SNTG1: variants seen among roughly 807,000 people sequenced by gnomAD.
SNTG1 encodes gamma-1-syntrophin.
Under a neutral mutation model 74.7 loss-of-function variants are expected in SNTG1, and 39 were observed. The ratio of observed to expected loss-of-function variants is 0.52; its 90% CI spans 0.40 to 0.68. The LOEUF (loss-of-function observed/expected upper bound fraction) is 0.68. SNTG1 is among the 30% of genes least tolerant of loss of function. SNTG1 has a pLI of 0.00. For synonymous variants in SNTG1, 254 were observed against 217.1 expected (o/e 1.17, Z -1.49); for missense variants, 685 against 609.5 (o/e 1.12, Z -1.30).
chr8:50,111,435 C>A (rs1181640211), intron 1 of SNTG1, among the ~76,000 whole-genome samples: 1 of 152,096 alleles, frequency 6.6e-6, no homozygotes, highest in Non-Finnish European at 1.5e-5. Context: ...CTCTTTCCCT[C>A]TTCTTCTCAT....
intron 8 of SNTG1, among the ~76,000 whole-genome samples, chr8:50,497,501 A>G (rs1220973613): frequency 6.6e-6 from 1 of 152,044 alleles, no homozygotes; most frequent in African/African-American, 2.4e-5. Flanking sequence ...ATATCAATAT[A>G]TAGAGGTTAT....
chr8:50,130,995 G>T (rs2081299491), intron 1 of SNTG1, among the ~76,000 whole-genome samples: 2 of 151,872 alleles, frequency 1.3e-5, no homozygotes, highest in East Asian at 3.9e-4. Flanking sequence ...CAACAGCAAG[G>T]TATAAAAATA....
intron 8 of SNTG1, among the ~76,000 whole-genome samples, chr8:50,463,410 G>C (rs552627593): frequency 2.6e-5 from 4 of 152,210 alleles, no homozygotes; most frequent in Admixed American, 2.0e-4. Flanking sequence ...AACAAAACTT[G>C]AAAGTTGAAA....
In SNTG1 at chr8:50,796,292, A is replaced by G. The variant is rs929303247; in HGVS notation, c.*3463A>G. ...TGTAGATGTTCGGATACTAATAACA[A>G]AGATTTTGCTACTATTAATATTGCT... On this transcript the variant is annotated 3_prime_UTR_variant, in exon 19 of 19. Coordinates refer to ENST00000642720, the MANE Select transcript of SNTG1 (RefSeq NM_018967.5). 1 of 151,884 alleles carries G rather than the reference A, an allele frequency of 6.6e-6. No homozygotes were observed. Among genetic ancestry groups the G allele is most frequent in the Non-Finnish European group, 1.5e-5 (1 of 67,912 alleles). The allele number at this position is 151,884 out of a possible 1,614,324, so 9.4% of individuals were successfully genotyped here.
chr8:50,282,086 T>C (rs1227443557), intron 2 of SNTG1, among the ~76,000 whole-genome samples: 1 of 152,022 alleles, frequency 6.6e-6, no homozygotes, highest in Non-Finnish European at 1.5e-5. Flanking sequence ...AAACGACAAA[T>C]AACATCTCTG....
chr8:50,415,870 A>T (rs1385432532), intron 4 of SNTG1, among the ~76,000 whole-genome samples: 1 of 152,152 alleles, frequency 6.6e-6, no homozygotes, highest in East Asian at 1.9e-4. Flanking sequence ...AGTGATTGAA[A>T]TTTATATTTG....
At chr8:50,081,703 G>C (rs1186980239) in intron 1 of SNTG1, among the ~76,000 whole-genome samples, 1 of 151,930 alleles carries the variant, frequency 6.6e-6, no homozygotes, top group Admixed American at 6.6e-5. Flanking sequence ...GTGCTATCTT[G>C]GCTCACTGCA....
intron 17 of SNTG1, among the ~76,000 whole-genome samples, chr8:50,716,371 T>C (rs1168577810): frequency 6.6e-6 from 1 of 152,128 alleles, no homozygotes; most frequent in Non-Finnish European, 1.5e-5. Context: ...GTTCTGACAA[T>C]ATTCACATAA....
intron 15 of SNTG1, among the ~76,000 whole-genome samples, chr8:50,671,326 T>A (rs2095281318): frequency 6.6e-6 from 1 of 151,208 alleles, no homozygotes; most frequent in African/African-American, 2.4e-5. Context: ...GAATCTACAA[T>A]GAACTCAAAC....
At chr8:50,122,362 G>A (rs1156930973) in intron 1 of SNTG1, among the ~76,000 whole-genome samples, 2 of 141,696 alleles carry the variant, frequency 1.4e-5, no homozygotes, top group Non-Finnish European at 3.1e-5. Context: ...GAGAAGTAGT[G>A]AAAGTGAGGG....
intron 17 of SNTG1, among the ~76,000 whole-genome samples, chr8:50,715,864 T>C (rs2131576875): frequency 6.6e-6 from 1 of 152,358 alleles, no homozygotes; most frequent in Non-Finnish European, 1.5e-5. Context: ...TACAATTAAA[T>C]TCACTGTTAA....
intron 2 of SNTG1, among the ~76,000 whole-genome samples, chr8:50,276,880 C>T (rs1200633640): frequency 6.6e-6 from 1 of 151,912 alleles, no homozygotes; most frequent in Non-Finnish European, 1.5e-5. Context: ...CTCCGTTGCC[C>T]AGGCTGGAGT....
chr8:50,585,748 C>T (rs924181330), intron 12 of SNTG1, among the ~76,000 whole-genome samples: 17 of 151,542 alleles, frequency 1.1e-4, no homozygotes, highest in African/African-American at 3.6e-4. Context: ...ATGAATAATA[C>T]CATGTTTTAA....
At chr8:50,399,765 A>G (rs539585641) in intron 3 of SNTG1, among the ~76,000 whole-genome samples, 8 of 152,220 alleles carry the variant, frequency 5.3e-5, no homozygotes, top group African/African-American at 1.7e-4. Flanking sequence ...ACTTTGTGTA[A>G]AAACATAGAA....
rs116440385 is a variant in SNTG1 at position 49,993,151 on chromosome 8, T to A, written c.-103+80920T>A. ...ATAAGGGTTTTATTCACCCAAAAGGTGGGAATAAGACTTTTCTCTGGGCTT... is the reference window on the plus strand; with the variant it reads ...ATAAGGGTTTTATTCACCCAAAAGGAGGGAATAAGACTTTTCTCTGGGCTT... On this transcript the variant is annotated intron_variant, in intron 1 of 18. Coordinates refer to ENST00000642720, the MANE Select transcript of SNTG1 (RefSeq NM_018967.5). 8.0e-3 allele frequency among the ~76,000 whole-genome samples: 1,221 copies of A among 152,022 alleles called. 18 individuals are homozygous for A. The highest frequency in any genetic ancestry group is 0.028 in the African/African-American group (1,169 of 41,454).
intron 15 of SNTG1, among the ~76,000 whole-genome samples, chr8:50,692,357 AT>A (rs1006404953): frequency 4.1e-4 from 62 of 150,864 alleles, no homozygotes; most frequent in African/African-American, 1.4e-3. Flanking sequence ...TTTCTGCTCT[AT>A]TTTTTTTCCC....
intron 2 of SNTG1, among the ~76,000 whole-genome samples, chr8:50,233,218 T>C (rs2085719286): frequency 6.6e-6 from 1 of 151,562 alleles, no homozygotes; most frequent in Admixed American, 6.6e-5. Context: ...GATACATAGA[T>C]CAATGGACCG....
At chr8:50,066,164 C>G (rs203944) in intron 1 of SNTG1, among the ~76,000 whole-genome samples, 131,290 of 151,940 alleles carry the variant, frequency 0.86, 56,859 homozygotes, top group East Asian at 0.99. Flanking sequence ...GCGGTGAGCT[C>G]AGATTGTGCC....
chr8:50,757,679 A>T (rs1225570001), intron 18 of SNTG1, among the ~76,000 whole-genome samples: 2 of 151,942 alleles, frequency 1.3e-5, no homozygotes, highest in Non-Finnish European at 2.9e-5. Flanking sequence ...GTTAAAAATA[A>T]TTTTTGATAC....
Sources: allele counts gnomAD v4.1 joint callset (sites outside exome capture counted in the v4.1 genomes callset), GRCh38; gene constraint gnomAD v4.1.1; transcripts MANE v1.5; gene names NCBI Gene and HGNC (gene_info 2026-07-23, HGNC 2026-07-21).